TGFBR3: variants seen among roughly 807,000 people sequenced by gnomAD.
The protein encoded by TGFBR3 is transforming growth factor beta receptor 3, also known as transforming growth factor beta receptor type 3.
A neutral mutation model predicts 87.9 loss-of-function variants in TGFBR3; 46 were observed. The observed-to-expected ratio is 0.52, with a 90% CI of 0.41 to 0.67. The LOEUF (loss-of-function observed/expected upper bound fraction) is 0.67. TGFBR3 is among the 30% of genes least tolerant of loss of function. TGFBR3 has a pLI of 0.00. For synonymous variants in TGFBR3, 381 were observed against 391.6 expected, an observed-to-expected ratio of 0.97 and a Z score of 0.32; for missense variants, 866 against 1,041.9, an observed-to-expected ratio of 0.83 and a Z score of 2.32.
At chr1:91,871,693 G>A (rs768327054) in intron 1 of TGFBR3, among the ~76,000 whole-genome samples, 1 of 152,142 alleles carries the variant, frequency 6.6e-6, no homozygotes, top group Non-Finnish European at 1.5e-5. Flanking sequence ...CCCAGGCAGT[G>A]GGAATAGTGA....
At chr1:91,742,602 C>T (rs1481492402) in intron 4 of TGFBR3, among the ~76,000 whole-genome samples, 3 of 152,198 alleles carry the variant, frequency 2.0e-5, no homozygotes, top group African/African-American at 4.8e-5. Context: ...GAACTTTCCT[C>T]CTGCTTGCTA....
chr1:91,700,003 A>G (rs184048206), intron 14 of TGFBR3, among the ~76,000 whole-genome samples: 62 of 152,360 alleles, frequency 4.1e-4, no homozygotes, highest in South Asian at 1.7e-3. Context: ...ATATTTCATG[A>G]CGTGAAAATT....
At chr1:91,731,756 A>G (rs955200171) in intron 5 of TGFBR3, among the ~76,000 whole-genome samples, 4 of 152,240 alleles carry the variant, frequency 2.6e-5, no homozygotes, top group Non-Finnish European at 5.9e-5. Flanking sequence ...TCTGGCACAT[A>G]GTGGGCATAT....
intron 4 of TGFBR3, among the ~76,000 whole-genome samples, chr1:91,750,658 A>G (rs550461579): frequency 6.6e-6 from 1 of 152,304 alleles, no homozygotes; most frequent in Admixed American, 6.5e-5. Flanking sequence ...GCAATCTTGA[A>G]ACATTTAGTT....
At chr1:91,836,992 A>T (rs1036068676) in intron 2 of TGFBR3, among the ~76,000 whole-genome samples, 2 of 152,182 alleles carry the variant, frequency 1.3e-5, no homozygotes, top group African/African-American at 2.4e-5. Flanking sequence ...ACGACAAGAT[A>T]CTACTGGCTT....
At chr1:91,710,517 T>G (rs1186687419) in intron 13 of TGFBR3, among the ~76,000 whole-genome samples, 1 of 152,138 alleles carries the variant, frequency 6.6e-6, no homozygotes, top group East Asian at 1.9e-4. Flanking sequence ...AAGGGCAGGG[T>G]TGGTCTCAAC....
chr1:91,833,922 G>A (rs1676960744), intron 2 of TGFBR3, among the ~76,000 whole-genome samples: 1 of 152,008 alleles, frequency 6.6e-6, no homozygotes, highest in South Asian at 2.1e-4. Context: ...GAAAAAAGGA[G>A]GTCCAGATTT....
intron 16 of TGFBR3, among the ~76,000 whole-genome samples, chr1:91,686,611 T>C (rs373830947): frequency 2.5e-5 from 2 of 80,112 alleles, no homozygotes; most frequent in South Asian, 8.1e-4. Context: ...ACAGATTAAG[T>C]TTTTTCACTG....
At chr1:91,722,374 T>C (rs1223637396) in intron 7 of TGFBR3, among the ~76,000 whole-genome samples, 1 of 152,168 alleles carries the variant, frequency 6.6e-6, no homozygotes, top group Non-Finnish European at 1.5e-5. Flanking sequence ...TTGCCTATGC[T>C]GATAAAAAAA....
chr1:91,741,108 TACCTGGAGA>T (rs955159245), intron 4 of TGFBR3, among the ~76,000 whole-genome samples: 3 of 152,380 alleles, frequency 2.0e-5, no homozygotes, highest in African/African-American at 7.2e-5. Context: ...TGATACCATC[TACCTGGAGA>T]TAGGTCAGAC....
chr1:91,726,931 T>C (rs953979221), intron 7 of TGFBR3, among the ~76,000 whole-genome samples: 1 of 152,242 alleles, frequency 6.6e-6, no homozygotes, highest in Admixed American at 6.5e-5. Context: ...CTAAGCATAT[T>C]TGAGATAAGA....
In TGFBR3 at chr1:91,680,537, CA is replaced by C. The variant is rs1670873751; in HGVS notation, c.*3201del. 8.8e-6 allele frequency: 4 copies of C among 453,818 alleles called. No homozygotes were observed. Among genetic ancestry groups the C allele is most frequent in the South Asian group, 4.7e-5 (3 of 64,468 alleles). The allele number at this position is 453,818 out of a possible 1,614,324, so 28.1% of individuals were successfully genotyped here. On this transcript the variant is annotated 3_prime_UTR_variant, in exon 17 of 17. Transcript: ENST00000212355. Reference sequence around the variant, plus strand: ...TACCCTCATAGATGATGAAAACCAGCAACAAAATCAGGCTCATTCAGGAAAA... The same window carrying C: ...TACCCTCATAGATGATGAAAACCAGCACAAAATCAGGCTCATTCAGGAAAA...
At chr1:91,879,454 T>G (rs184787109) in intron 1 of TGFBR3, among the ~76,000 whole-genome samples, 3 of 152,178 alleles carry the variant, frequency 2.0e-5, no homozygotes, top group Admixed American at 6.5e-5. Flanking sequence ...CAGGGCACAT[T>G]AGGATGGCCT....
In TGFBR3 at chr1:91,682,957, A is replaced by C; in HGVS notation, c.*782T>G. ...GAACAAAATATTAGGAATGGGCACA[A>C]ATCTGTGGTTCCTGATTTTGGTCAT... On this transcript the variant is annotated 3_prime_UTR_variant, in exon 17 of 17. Coordinates refer to ENST00000212355, the MANE Select transcript of TGFBR3 (RefSeq NM_003243.5). The C allele has an allele frequency of 2.2e-6, 1 of 454,548 alleles. No individual in the cohort carries two copies. The highest frequency in any genetic ancestry group is 4.4e-6 in the Non-Finnish European group (1 of 226,792). 28.2% of individuals were successfully genotyped at this position (454,548 alleles called of 1,614,324 possible). A position where few individuals can be genotyped will look rare whatever the true frequency, so the allele number is the denominator to read the frequency against.
At chr1:91,880,990 A>G (rs1473832809) in intron 1 of TGFBR3, among the ~76,000 whole-genome samples, 1 of 152,050 alleles carries the variant, frequency 6.6e-6, no homozygotes, top group East Asian at 1.9e-4. Flanking sequence ...TTTTTATCCA[A>G]CAGCAATGAA....
chr1:91,764,092 C>T (rs1674074430), intron 3 of TGFBR3, among the ~76,000 whole-genome samples: 1 of 151,556 alleles, frequency 6.6e-6, no homozygotes, highest in Non-Finnish European at 1.5e-5. Flanking sequence ...TTCCCCCCCA[C>T]ACACACCCAG....
At chr1:91,786,277 T>C in intron 3 of TGFBR3, 1 of 456,104 alleles carries the variant, frequency 2.2e-6, no homozygotes, top group South Asian at 1.6e-5. Context: ...TAGAGAAGTT[T>C]GGTTTTATGA....
At chr1:91,880,626 T>G (rs978942642) in intron 1 of TGFBR3, among the ~76,000 whole-genome samples, 4 of 151,688 alleles carry the variant, frequency 2.6e-5, no homozygotes, top group African/African-American at 9.7e-5. Context: ...AATAAAAATA[T>G]AAGAAAAATG....
chr1:91,869,556 C>T (rs1221082808), intron 1 of TGFBR3, among the ~76,000 whole-genome samples: 1 of 152,062 alleles, frequency 6.6e-6, no homozygotes. Flanking sequence ...CTCAGCTACT[C>T]GGGAGGCTGA....
Sources: gnomAD v4.1 joint callset for allele counts (sites outside exome capture counted in the v4.1 genomes callset) on GRCh38, gnomAD v4.1.1 for gene constraint, MANE v1.5 for transcripts, NCBI Gene and HGNC (gene_info 2026-07-23, HGNC 2026-07-21) for gene names.